PLXNA1: variants seen among roughly 807,000 people sequenced by gnomAD.
PLXNA1 encodes the protein plexin A1, also known as plexin-A1.
A neutral mutation model predicts 191.7 loss-of-function variants in PLXNA1; 77 were observed. That is an observed-to-expected ratio of 0.40 (90% CI 0.33 to 0.49). The LOEUF (loss-of-function observed/expected upper bound fraction) is 0.49. Ranked by LOEUF, PLXNA1 falls within the 20% of genes least tolerant of loss-of-function variation. PLXNA1 has a pLI of 0.63. For missense variants in PLXNA1, 2,110 were observed against 2,660.2 expected (o/e 0.79, Z 4.55); for synonymous variants, 1,137 against 1,156.4 (o/e 0.98, Z 0.34).
chr3:127,018,228 C>G, intron 19 of PLXNA1, 66 bp from the exon 20 acceptor site: 1 of 1,402,742 alleles, frequency 7.1e-7, no homozygotes, highest in Non-Finnish European at 9.7e-7. Flanking sequence ...TCTTGCCCAT[C>G]GGGAGGGGCT....
In PLXNA1 at chr3:126,989,349, C is replaced by T. The variant is rs183781017; in HGVS notation, c.756C>T (p.Ser252=). 37 of 1,613,668 alleles carry T rather than the reference C, an allele frequency of 2.3e-5. No homozygotes were observed. The highest frequency in any genetic ancestry group is 1.6e-4 in the East Asian group (7 of 44,884). The change falls in exon 2 of 32, where the codon AGC becomes AGT. Residue 252 remains serine, a synonymous_variant. Transcript: ENST00000393409. ...TCTACTATGTGTACAGCTTCCGCAG[C>T]GAGCAGTTTGTCTACTACCTCACGC... ...FDIYYVYSFR[S]EQFVYYLTLQ... is the part of the protein sequence containing the mutation.
chr3:127,018,814 C>G (rs560064663), intron 20 of PLXNA1, among the ~76,000 whole-genome samples: 6 of 152,230 alleles, frequency 3.9e-5, no homozygotes, highest in Non-Finnish European at 8.8e-5. Flanking sequence ...CTGAAGGTGG[C>G]TACTTACCCT....
chr3:127,011,479 G>A (rs764675692), intron 9 of PLXNA1, among the ~76,000 whole-genome samples: 8 of 152,228 alleles, frequency 5.3e-5, no homozygotes, highest in Non-Finnish European at 8.8e-5. Context: ...CAGTGTTCCC[G>A]AGGGGCCATC....
At chr3:126,992,849 C>T (rs1490045271) in intron 3 of PLXNA1, among the ~76,000 whole-genome samples, 1 of 152,130 alleles carries the variant, frequency 6.6e-6, no homozygotes, top group African/African-American at 2.4e-5. Flanking sequence ...TGGTGCGAGG[C>T]CCCTCCCGTC....
chr3:127,026,292 G>A (rs983504141), intron 23 of PLXNA1: 2 of 152,244 alleles, frequency 1.3e-5, no homozygotes, highest in African/African-American at 2.4e-5. Flanking sequence ...GTGAATGCCC[G>A]GCTCAGCCTG....
Position 127,030,338 on chromosome 3 carries a change from C to G in PLXNA1, c.5157C>G (p.Phe1719Leu). Residue 1719 changes from phenylalanine to leucine, a missense_variant, in exon 29 of 32, where the codon TTC becomes TTG. Phe to Leu is a conservative substitution (Grantham distance 22). Around this residue, in one of 4 missense-constraint regions of PLXNA1, gnomAD observed 559 missense variants for 911.5 expected, o/e 0.61. Coordinates refer to ENST00000393409, the MANE Select transcript of PLXNA1 (RefSeq NM_032242.4). ...TGCCGCTGGCCATCAAGTACATGTT[C>G]GACTTCCTGGATGAGCAGGCCGACA... ...SALPLAIKYM[F>L]DFLDEQADKH... is the part of the protein sequence containing the mutation. 2 of 1,614,058 alleles carry G rather than the reference C, an allele frequency of 1.2e-6. No homozygotes were observed. The highest frequency in any genetic ancestry group is 1.7e-6 in the Non-Finnish European group (2 of 1,180,024).
intron 15 of PLXNA1, 38 bp from the exon 16 acceptor site, chr3:127,016,479 C>T (rs745525052): frequency 7.5e-6 from 12 of 1,605,124 alleles, no homozygotes; most frequent in Non-Finnish European, 8.5e-6. Flanking sequence ...CTGGGTTCCA[C>T]CCGTGTGCTC....
Position 127,007,901 on chromosome 3 carries a change from C to T in PLXNA1, c.2100C>T (p.Val700=). 6.2e-7 allele frequency: 1 copy of T among 1,610,064 alleles called. No individual in the cohort carries two copies. ...ACTGCGCCTTCCTGGAGGGCCGTGTCAACGTGTCTGAGGTAAGGCCGGGCA... is the reference window on the plus strand; with the variant it reads ...ACTGCGCCTTCCTGGAGGGCCGTGTTAACGTGTCTGAGGTAAGGCCGGGCA... The part of the protein sequence containing the change: ...VADCAFLEGR[V]NVSEDCPQIL... The change falls in exon 9 of 32, where the codon GTC becomes GTT. Residue 700 remains valine, a synonymous_variant. Transcript: ENST00000393409.
At chr3:127,024,751 C>T (rs1445307449) in intron 23 of PLXNA1, among the ~76,000 whole-genome samples, 2 of 152,148 alleles carry the variant, frequency 1.3e-5, no homozygotes, top group Admixed American at 6.5e-5. Context: ...AAGGACATGG[C>T]CTGAGGCTGA....
At position 127,025,743 on chromosome 3, in the gene PLXNA1, AG is replaced by A. The variant is rs2079173759; in HGVS notation, c.4363-2196del. Among the ~76,000 whole-genome samples the A allele has an allele frequency of 4.6e-5, 7 of 152,374 alleles. No homozygotes were observed. The South Asian group carries it at 1.4e-3, about 32-fold the overall frequency. On this transcript the variant is annotated intron_variant, in intron 23 of 31. Coordinates refer to ENST00000393409, the MANE Select transcript of PLXNA1 (RefSeq NM_032242.4). ...CTTAATTTCATCAGCTTAATGGGGA[AG>A]CAATCCAGGTGTCCATCGACAGATG...
chr3:127,030,233 C>A lies in PLXNA1; in HGVS notation c.5062-10C>A. 1 of 1,611,556 alleles carries A rather than the reference C, an allele frequency of 6.2e-7. No homozygotes were observed. The highest frequency in any genetic ancestry group is 2.2e-5 in the East Asian group (1 of 44,834). On this transcript the variant is annotated splice_polypyrimidine_tract_variant and intron_variant, in intron 28 of 31. Transcript: ENST00000393409. ...CCCTGGGGCTCAGTGTCCCTGCCTG[C>A]CCCCCGCAGGGCACACTGCAGAAGT...
intron 30 of PLXNA1, 25 bp downstream of exon 30, chr3:127,032,624 G>A: frequency 1.9e-6 from 3 of 1,610,590 alleles, no homozygotes; most frequent in Non-Finnish European, 2.5e-6. Flanking sequence ...CAGGGGTCGG[G>A]GGCAGGGGCC....
chr3:127,015,690 G>C (rs1312935787), intron 15 of PLXNA1, among the ~76,000 whole-genome samples: 3 of 152,224 alleles, frequency 2.0e-5, no homozygotes, highest in Non-Finnish European at 4.4e-5. Context: ...TTAGATTAGG[G>C]ATGATAATGG....
At position 127,035,568 on chromosome 3, in the gene PLXNA1, G is replaced by A. The variant is rs1227265789; in HGVS notation, c.*1551G>A. The stretch of plus-strand genomic sequence containing the variant: ...TGAGTTGATCTTTTTAAAACTGCAA[G>A]TGTTGAATACTAGAGGTTGTTAGAC... On this transcript the variant is annotated 3_prime_UTR_variant, in exon 32 of 32. Transcript: ENST00000393409. 1.3e-5 allele frequency: 2 copies of A among 152,658 alleles called. No homozygotes were observed. Among genetic ancestry groups the A allele is most frequent in the South Asian group, 4.1e-4 (2 of 4,830 alleles). 9.5% of individuals were successfully genotyped at this position (152,658 alleles called of 1,614,324 possible). A position where few individuals can be genotyped will look rare whatever the true frequency, so the allele number is the denominator to read the frequency against.
rs149369326 is a variant in PLXNA1 at position 127,024,982 on chromosome 3, G to T, written c.4362+2164G>T. Among the ~76,000 whole-genome samples, 624 of 152,188 alleles carry T rather than the reference G, an allele frequency of 4.1e-3. 3 individuals carry two copies. Among genetic ancestry groups the T allele is most frequent in the Middle Eastern group, 6.8e-3 (2 of 294 alleles). On this transcript the variant is annotated intron_variant, in intron 23 of 31. Transcript: ENST00000393409. ...AGGTACAGAGGTTTCCCATGCGCCC[G>T]CTGCTCCCACACATGCACAGTCTCC... is the stretch of plus-strand genomic sequence containing the variant.
At chr3:127,001,657 G>A (rs894271390) in intron 3 of PLXNA1, among the ~76,000 whole-genome samples, 2 of 152,226 alleles carry the variant, frequency 1.3e-5, no homozygotes, top group African/African-American at 4.8e-5. Context: ...TGCCCTCCTC[G>A]CCTTCCTTCC....
intron 3 of PLXNA1, among the ~76,000 whole-genome samples, chr3:126,997,211 G>T (rs1200506333): frequency 6.6e-6 from 1 of 152,228 alleles, no homozygotes; most frequent in African/African-American, 2.4e-5. Context: ...AGTCCTTGCA[G>T]GCCTGTTGTA....
At chr3:127,007,979 A>G (rs1371293878) in intron 9 of PLXNA1, 66 bp downstream of exon 9, 9 of 1,098,286 alleles carry the variant, frequency 8.2e-6, no homozygotes, top group Non-Finnish European at 8.1e-6. Flanking sequence ...GAGACATCCC[A>G]TCTGGGTGTC....
intron 28 of PLXNA1, 54 bp from the exon 29 acceptor site, chr3:127,030,189 T>C (rs2079201416): frequency 6.3e-7 from 1 of 1,597,112 alleles, no homozygotes; most frequent in East Asian, 2.2e-5. Context: ...ACCCAGGAGG[T>C]GTAGGCAGCC....
Sources: allele counts gnomAD v4.1 joint callset (sites outside exome capture counted in the v4.1 genomes callset), GRCh38; gene constraint gnomAD v4.1.1; regional missense constraint gnomAD v4.1.1; transcripts MANE v1.5; gene names NCBI Gene and HGNC (gene_info 2026-07-23, HGNC 2026-07-21).